The following EHMT1 variants were observed in gnomAD, a reference collection of about 807,000 sequenced individuals.
EHMT1 encodes histone-lysine N-methyltransferase EHMT1.
In EHMT1, 15 loss-of-function variants were observed where a neutral mutation model predicts 147.2. That is an observed-to-expected ratio of 0.10 (90% CI 0.07 to 0.16). The LOEUF is 0.16. EHMT1 is among the 10% of genes least tolerant of loss of function. EHMT1 has a pLI of 1.00. For missense variants in EHMT1, 1,587 were observed against 1,772.4 expected (o/e 0.90, Z 1.88); for synonymous variants, 795 against 709.6 (o/e 1.12, Z -1.91).
Position 137,828,647 on chromosome 9 carries a change from G to A in EHMT1, c.3541-5702G>A, listed in dbSNP as rs550554615. Among the ~76,000 whole-genome samples the A allele has an allele frequency of 7.9e-5, 12 of 152,270 alleles. No homozygotes were observed. The South Asian group carries it at 8.3e-4, about 11-fold the overall frequency. On this transcript the variant is annotated intron_variant, in intron 25 of 26. Coordinates refer to ENST00000460843, the MANE Select transcript of EHMT1 (RefSeq NM_024757.5). This position sits in a 1 kb window ranked among gnomAD's most constrained non-coding sequence, Gnocchi z 5.3. Reference sequence around the variant, plus strand: ...ATCCCACACTCACGGCCCAAGTGACGCTTGGTGCAGAGCTGGAAGGTTCTC... The same window carrying A: ...ATCCCACACTCACGGCCCAAGTGACACTTGGTGCAGAGCTGGAAGGTTCTC...
At chr9:137,715,192 C>T (rs1250491247) in intron 2 of EHMT1, among the ~76,000 whole-genome samples, 7 of 152,158 alleles carry the variant, frequency 4.6e-5, no homozygotes, top group Admixed American at 3.3e-4. Flanking sequence ...TGTTCTTTCC[C>T]TTTGGTGTCA....
In EHMT1 at chr9:137,811,614, G is replaced by A. The variant is rs181347484; in HGVS notation, c.2866G>A (p.Val956Ile). The A allele has an allele frequency of 1.6e-5, 25 of 1,600,840 alleles. No homozygotes were observed. The East Asian group carries it at 3.1e-4, about 20-fold the overall frequency. The stretch of plus-strand genomic sequence containing the variant: ...CCGGGAGAACCGCTACGACTGTGTC[G>A]TGTGAGTGCAGTGCTTCCCCCAGCG... The part of the protein sequence containing the change: ...AARENRYDCV[V>I]LFLSRDSDVT... Residue 956 changes from valine (V) to isoleucine (I), a missense_variant and splice_region_variant, in exon 19 of 27, where the codon GTC (valine) becomes ATC (isoleucine). Val to Ile is a conservative substitution (Grantham distance 29). Transcript: ENST00000460843.
At position 137,813,200 on chromosome 9, in the gene EHMT1, T is replaced by C. The variant is rs1414605078; in HGVS notation, c.3035+27T>C. On this transcript the variant is annotated intron_variant, in intron 20 of 26. Transcript: ENST00000460843. The surrounding 1 kb of genome is among the most constrained non-coding windows in gnomAD (Gnocchi z 4.9). ...TGAGCCCAGCCCCAGGACGGCTTTG[T>C]GGCAAATCAGCGGTCAGCAGGGCTT... is the stretch of plus-strand genomic sequence containing the variant. 1 of 1,604,196 alleles carries C rather than the reference T, an allele frequency of 6.2e-7. No individual in the cohort carries two copies. Among genetic ancestry groups the C allele is most frequent in the Non-Finnish European group, 8.5e-7 (1 of 1,179,542 alleles).
At chr9:137,722,747 G>A (rs981420431) in intron 3 of EHMT1, among the ~76,000 whole-genome samples, 2 of 151,826 alleles carry the variant, frequency 1.3e-5, no homozygotes, top group Non-Finnish European at 2.9e-5. Flanking sequence ...TGTGGCGGTA[G>A]GGTGCCTGCC....
chr9:137,828,730 G>A lies in EHMT1; in HGVS notation c.3541-5619G>A, dbSNP rs1955992512. Among the ~76,000 whole-genome samples, 1 of 152,168 alleles carries A rather than the reference G, an allele frequency of 6.6e-6. No individual in the cohort carries two copies. Among genetic ancestry groups the A allele is most frequent in the Admixed American group, 6.5e-5 (1 of 15,286 alleles). ...CACTAGAGCATCTCTAAGGCCGGTG[G>A]TTCTGGACAGAAAAACCACAAAAAT... On this transcript the variant is annotated intron_variant, in intron 25 of 26. Coordinates refer to ENST00000460843, the MANE Select transcript of EHMT1 (RefSeq NM_024757.5). The surrounding 1 kb of genome is among the most constrained non-coding windows in gnomAD (Gnocchi z 5.3).
chr9:137,778,349 A>AGAGCAGACACTGCTC (rs1564742298), intron 13 of EHMT1, among the ~76,000 whole-genome samples: 1 of 152,236 alleles, frequency 6.6e-6, no homozygotes, highest in Admixed American at 6.5e-5. Context: ...TTAGGTCATG[A>AGAGCAGACACTGCTC]GAGCAGACAC....
intron 16 of EHMT1, among the ~76,000 whole-genome samples, chr9:137,791,373 A>T (rs1952513323): frequency 6.6e-6 from 1 of 152,212 alleles, no homozygotes; most frequent in Admixed American, 6.5e-5. Flanking sequence ...CCTAAAGAAT[A>T]TGCAAAAATA....
intron 1 of EHMT1, among the ~76,000 whole-genome samples, chr9:137,699,764 T>C (rs1367458177): frequency 6.7e-6 from 1 of 149,970 alleles, no homozygotes; most frequent in Non-Finnish European, 1.5e-5. Flanking sequence ...TGGGAGGATC[T>C]CTTGAGCCCA....
At chr9:137,762,022 T>C (rs1420112935) in intron 9 of EHMT1, among the ~76,000 whole-genome samples, 2 of 152,230 alleles carry the variant, frequency 1.3e-5, no homozygotes, top group African/African-American at 2.4e-5. Flanking sequence ...GCACCAGCCC[T>C]GGCTGTGCTG....
At position 137,752,186 on chromosome 9, in the gene EHMT1, C is replaced by T. The variant is rs41302687; in HGVS notation, c.1171-145C>T. Reference sequence around the variant, plus strand: ...ACCAGCCAGGGCTGGAGCAGGCCGGCGGCGCCCCCGCCCCGCGAGCGTCTC... The same window carrying T: ...ACCAGCCAGGGCTGGAGCAGGCCGGTGGCGCCCCCGCCCCGCGAGCGTCTC... On this transcript the variant is annotated intron_variant, in intron 6 of 26. Coordinates refer to ENST00000460843, the MANE Select transcript of EHMT1 (RefSeq NM_024757.5). The T allele has an allele frequency of 0.025, 23,420 of 933,718 alleles. 380 individuals are homozygous for T. The highest frequency in any genetic ancestry group is 0.065 in the Middle Eastern group (204 of 3,158). The allele number at this position is 933,718 out of a possible 1,614,324, so 57.8% of individuals were successfully genotyped here.
chr9:137,621,948 T>A (rs751352680), intron 1 of EHMT1, among the ~76,000 whole-genome samples: 2 of 151,918 alleles, frequency 1.3e-5, no homozygotes, highest in African/African-American at 2.4e-5. Context: ...CTTTCTTTTT[T>A]TTTTCTTTTT....
chr9:137,825,130 T>C (rs965572724), intron 25 of EHMT1, among the ~76,000 whole-genome samples: 16 of 152,224 alleles, frequency 1.1e-4, no homozygotes, highest in Non-Finnish European at 1.9e-4. Context: ...CCGGGGGTGC[T>C]CTGAGCTCCT....
intron 10 of EHMT1, among the ~76,000 whole-genome samples, chr9:137,769,751 G>T (rs952499988): frequency 6.6e-6 from 1 of 152,104 alleles, no homozygotes; most frequent in African/African-American, 2.4e-5. Flanking sequence ...TTTAGGTTTC[G>T]CTGAGCTTCT....
chr9:137,798,857 C>A lies in EHMT1; in HGVS notation c.2550C>A (p.Gly850=), dbSNP rs760547309. Residue 850 remains glycine, a synonymous_variant, in exon 17 of 27, where the codon GGC becomes GGA. Transcript: ENST00000460843. ...STCLHLAAKK[G]HYEVVQYLLS... is the part of the protein sequence containing the mutation. ...GTTTGCACCTGGCTGCCAAGAAAGG[C>A]CACTACGAAGTGGTCCAGTACCTGC... The A allele has an allele frequency of 3.1e-6, 5 of 1,614,180 alleles. No individual in the cohort carries two copies. The highest frequency in any genetic ancestry group is 3.3e-5 in the Admixed American group (2 of 60,030).
At chr9:137,769,400 CTT>C (rs543578515) in intron 10 of EHMT1, among the ~76,000 whole-genome samples, 1 of 152,086 alleles carries the variant, frequency 6.6e-6, no homozygotes. Context: ...TCCAATAACT[CTT>C]TTTTTGGTAG....
At position 137,787,104 on chromosome 9, in the gene EHMT1, C is replaced by G. The variant is rs1208998572; in HGVS notation, c.2383-3744C>G. ...GTCCCTCGTGTTGCAAGATTTCATG[C>G]CGTGTCTGCAGTTTCTGGAGAGCAC... is the stretch of plus-strand genomic sequence containing the variant. On this transcript the variant is annotated intron_variant, in intron 15 of 26. Coordinates refer to ENST00000460843, the MANE Select transcript of EHMT1 (RefSeq NM_024757.5). The surrounding 1 kb of genome is among the most constrained non-coding windows in gnomAD (Gnocchi z 4.2). The G allele has an allele frequency of 6.6e-6, 1 of 152,546 alleles. No individual in the cohort carries two copies. The highest frequency in any genetic ancestry group is 2.1e-4 in the South Asian group (1 of 4,828). The allele number at this position is 152,546 out of a possible 1,614,324, so 9.4% of individuals were successfully genotyped here.
rs117501446 is a variant in EHMT1 at position 137,724,105 on chromosome 9, C to G, written c.643-4244C>G. 7.3e-3 allele frequency among the ~76,000 whole-genome samples: 1,105 copies of G among 152,342 alleles called. 7 individuals carry two copies. Among genetic ancestry groups the G allele is most frequent in the Non-Finnish European group, 0.011 (777 of 68,018 alleles). On this transcript the variant is annotated intron_variant, in intron 3 of 26. Transcript: ENST00000460843. ...AGCATGGGGCCCCTTGTTTTTCTCT[C>G]TGTGTGTGTGTTTCCACACCTCACC... is the stretch of plus-strand genomic sequence containing the variant.
intron 25 of EHMT1, 64 bp downstream of exon 25, chr9:137,818,202 G>T: frequency 1.3e-6 from 2 of 1,552,028 alleles, no homozygotes; most frequent in African/African-American, 1.4e-5. Flanking sequence ...GAATGTGTTT[G>T]TCCCAGTAGG....
At position 137,767,737 on chromosome 9, in the gene EHMT1, C is replaced by T. The variant is rs564030541; in HGVS notation, c.1647+4917C>T. On this transcript the variant is annotated intron_variant, in intron 10 of 26. Transcript: ENST00000460843. ...CTGAGACAGGAGAATCTCTTGAACC[C>T]GGGAGGTGGAGATTGCAGCGTGCCA... 2.6e-5 allele frequency among the ~76,000 whole-genome samples: 4 copies of T among 152,108 alleles called. No individual in the cohort carries two copies. In the South Asian group the frequency reaches 6.2e-4, roughly 24 times the overall value.
Sources: gnomAD v4.1 joint callset for allele counts (sites outside exome capture counted in the v4.1 genomes callset) on GRCh38, gnomAD v4.1.1 for gene constraint, Gnocchi (gnomAD v3.1) non-coding constraint, MANE v1.5 for transcripts, NCBI Gene and HGNC (gene_info 2026-07-23, HGNC 2026-07-21) for gene names.